The following NAV2 variants were observed in gnomAD, a reference collection of about 807,000 sequenced individuals.
The protein encoded by NAV2 is neuron navigator 2, also known as helicase, APC down-regulated 1.
Under a neutral mutation model 223.2 loss-of-function variants are expected in NAV2, and 54 were observed. The observed-to-expected ratio is 0.24, with a 90% CI of 0.19 to 0.30. NAV2 has a LOEUF of 0.30. Ranked by LOEUF, NAV2 falls within the 10% of genes least tolerant of loss-of-function variation. The pLI is 1.00. For missense variants in NAV2, 2,806 were observed against 3,147.5 expected (o/e 0.89, Z 2.60); for synonymous variants, 1,279 against 1,239.3 (o/e 1.03, Z -0.67).
intron 2 of NAV2, among the ~76,000 whole-genome samples, chr11:19,834,007 T>G (rs1231285909): frequency 1.3e-5 from 2 of 152,138 alleles, no homozygotes; most frequent in African/African-American, 4.8e-5. Context: ...CTTAACATAA[T>G]CATGGGAATG....
At chr11:19,645,400 A>G (rs113809277) in intron 1 of NAV2, among the ~76,000 whole-genome samples, 5,987 of 152,276 alleles carry the variant, frequency 0.039, 151 homozygotes, top group Middle Eastern at 0.068. Flanking sequence ...TCACATGTGC[A>G]AAGTCCTTTT....
rs77868999 is a variant in NAV2, at chr11:19,978,946, G to C, written c.2646-5179G>C. ...ACATTTAAAGAAAGGGAAGAAATCT[G>C]TTTACTAAATGTTAGACTTGAAGTC... On this transcript the variant is annotated intron_variant, in intron 10 of 37. Transcript: ENST00000349880. 4.2e-3 allele frequency: 641 copies of C among 152,324 alleles called. 1 individual carries two copies. The highest frequency in any genetic ancestry group is 0.015 in the African/African-American group (612 of 41,578). The allele number at this position is 152,324 out of a possible 1,614,324, so 9.4% of individuals were successfully genotyped here. A position where few individuals can be genotyped will look rare whatever the true frequency, so the allele number is the denominator to read the frequency against.
chr11:20,105,256 G>T, intron 34 of NAV2: 1 of 332,272 alleles, frequency 3.0e-6, no homozygotes, highest in Non-Finnish European at 5.5e-6. Flanking sequence ...CAATTAACTA[G>T]CTGTTTGATC....
chr11:19,387,458 C>A (rs1214073041), intron 1 of NAV2, among the ~76,000 whole-genome samples: 1 of 152,116 alleles, frequency 6.6e-6, no homozygotes, highest in East Asian at 1.9e-4. Flanking sequence ...GTGGGTGGTG[C>A]ACGAGAGAAG....
chr11:19,560,733 C>T (rs2045064477), intron 1 of NAV2, among the ~76,000 whole-genome samples: 1 of 152,124 alleles, frequency 6.6e-6, no homozygotes, highest in Non-Finnish European at 1.5e-5. Flanking sequence ...AGTGTCTGGT[C>T]TAGATAATGG....
intron 1 of NAV2, among the ~76,000 whole-genome samples, chr11:19,404,542 T>C (rs1271253867): frequency 2.1e-5 from 1 of 47,908 alleles, no homozygotes; most frequent in Non-Finnish European, 7.5e-5. Flanking sequence ...TTTATAGATA[T>C]AGTTTCTGCA....
At chr11:19,646,723 G>T (rs573076395) in intron 1 of NAV2, among the ~76,000 whole-genome samples, 13 of 152,282 alleles carry the variant, frequency 8.5e-5, no homozygotes, top group African/African-American at 9.6e-5. Context: ...TGAGCTAGAT[G>T]CTTTAAATAT....
chr11:19,645,172 G>T (rs941093661), intron 1 of NAV2, among the ~76,000 whole-genome samples: 1 of 152,118 alleles, frequency 6.6e-6, no homozygotes, highest in Non-Finnish European at 1.5e-5. Flanking sequence ...TCATTTATTT[G>T]CCCTTTACAG....
upstream of NAV2, among the ~76,000 whole-genome samples, chr11:19,348,116 G>T (rs939984511): frequency 6.6e-6 from 1 of 152,182 alleles, no homozygotes; most frequent in Non-Finnish European, 1.5e-5. Flanking sequence ...TTTCTGTGGC[G>T]AGAGCGTCTG....
intron 1 of NAV2, among the ~76,000 whole-genome samples, chr11:19,800,842 A>G (rs1044511778): frequency 6.6e-6 from 1 of 152,160 alleles, no homozygotes. Flanking sequence ...CTGGGATCCC[A>G]GTCTGGTCTG....
At chr11:19,442,266 C>A (rs1215909829) in intron 1 of NAV2, among the ~76,000 whole-genome samples, 1 of 152,276 alleles carries the variant, frequency 6.6e-6, no homozygotes, top group Non-Finnish European at 1.5e-5. Flanking sequence ...AGGGGGCTGG[C>A]CTGGCAAGAG....
intron 1 of NAV2, among the ~76,000 whole-genome samples, chr11:19,629,207 A>C (rs554921015): frequency 3.0e-4 from 46 of 151,118 alleles, no homozygotes; most frequent in Non-Finnish European, 6.3e-4. Flanking sequence ...CCCCAACCCC[A>C]CTCACCAGCC....
intron 25 of NAV2, chr11:20,082,472 TTTA>T (rs2060151537): frequency 4.2e-6 from 4 of 943,684 alleles, no homozygotes. Context: ...GTGTGTGGTG[TTTA>T]TTATTAGCCA....
chr11:19,815,980 C>A (rs2059071562), intron 1 of NAV2, among the ~76,000 whole-genome samples: 1 of 152,206 alleles, frequency 6.6e-6, no homozygotes, highest in South Asian at 2.1e-4. Flanking sequence ...GCAAATTGTT[C>A]TTTTGTGCTC....
intron 12 of NAV2, among the ~76,000 whole-genome samples, chr11:20,041,454 A>G (rs2056908235): frequency 6.6e-6 from 1 of 152,204 alleles, no homozygotes; most frequent in Non-Finnish European, 1.5e-5. Context: ...GTAAGTACTC[A>G]ATAAATTGTA....
At chr11:19,840,232 T>C (rs1419450079) in intron 2 of NAV2, among the ~76,000 whole-genome samples, 6 of 152,220 alleles carry the variant, frequency 3.9e-5, no homozygotes, top group Admixed American at 3.9e-4. Context: ...ATTTAGGCTT[T>C]ACCCCATCAG....
chr11:20,088,185 T>C (rs1012442216), intron 26 of NAV2, among the ~76,000 whole-genome samples: 2 of 152,200 alleles, frequency 1.3e-5, no homozygotes, highest in African/African-American at 2.4e-5. Flanking sequence ...TGTGTTTTCT[T>C]TTTTGTTTTG....
chr11:19,857,270 T>C (rs1407911574), intron 3 of NAV2, among the ~76,000 whole-genome samples: 3 of 152,238 alleles, frequency 2.0e-5, no homozygotes, highest in Admixed American at 1.3e-4. Context: ...TTTAAGCATG[T>C]AATATGGCAA....
intron 1 of NAV2, among the ~76,000 whole-genome samples, chr11:19,686,788 G>C (rs1448938809): frequency 6.6e-6 from 1 of 152,084 alleles, no homozygotes. Context: ...TCTCTATCTG[G>C]GTCTTAGTTT....
Sources: allele counts gnomAD v4.1 joint callset (sites outside exome capture counted in the v4.1 genomes callset), GRCh38; gene constraint gnomAD v4.1.1; transcripts MANE v1.5; gene names NCBI Gene and HGNC (gene_info 2026-07-23, HGNC 2026-07-21).